PRIM2: variants seen among roughly 807,000 people sequenced by gnomAD.
The protein encoded by PRIM2 is DNA primase large subunit.
PRIM2 carries 39 observed loss-of-function variants against 67.3 expected under a neutral mutation model. That is an observed-to-expected ratio of 0.58 (90% confidence interval 0.45 to 0.76). The LOEUF (loss-of-function observed/expected upper bound fraction) is 0.76. Ranked by LOEUF, PRIM2 falls within the 30% of genes least tolerant of loss-of-function variation. PRIM2 has a pLI of 0.00. For missense variants in PRIM2, 398 were observed against 598.7 expected (o/e 0.66, Z 3.50); for synonymous variants, 143 against 198.7 (o/e 0.72, Z 2.36).
At chr6:57,599,364 A>G (rs1776422069) in intron 10 of PRIM2, among the ~76,000 whole-genome samples, 1 of 151,292 alleles carries the variant, frequency 6.6e-6, no homozygotes, top group Non-Finnish European at 1.5e-5. Context: ...ATAACAAGAT[A>G]TTTAAAAATA....
chr6:57,242,220 A>G, the PRIM2 span, among the ~76,000 whole-genome samples: 1 of 152,198 alleles, frequency 6.6e-6, no homozygotes. Flanking sequence ...TTCTTCCAGT[A>G]TCTTTAAATA....
At chr6:57,419,827 G>GACT (rs1477499964) in intron 7 of PRIM2, among the ~76,000 whole-genome samples, 1 of 152,076 alleles carries the variant, frequency 6.6e-6, no homozygotes, top group East Asian at 1.9e-4. Flanking sequence ...CACCAATATA[G>GACT]AAGACAGCAC....
intron 7 of PRIM2, among the ~76,000 whole-genome samples, chr6:57,387,662 C>T (rs573247940): frequency 4.6e-5 from 7 of 151,956 alleles, no homozygotes; most frequent in East Asian, 3.9e-4. Flanking sequence ...TTTGGAGCTA[C>T]GGTAGAATAG....
At chr6:57,382,796 CTTTTT>C in intron 7 of PRIM2, 1 of 152,104 alleles carries the variant, frequency 6.6e-6, no homozygotes, top group Middle Eastern at 3.2e-3. Flanking sequence ...GTTTTTAATA[CTTTTT>C]TTGTACCTAA....
chr6:57,336,502 G>C (rs1768253162), intron 5 of PRIM2, among the ~76,000 whole-genome samples: 1 of 152,248 alleles, frequency 6.6e-6, no homozygotes, highest in African/African-American at 2.4e-5. Flanking sequence ...CAGACTAACA[G>C]TGGATCTCTC....
chr6:57,226,533 C>A, the PRIM2 span, among the ~76,000 whole-genome samples: 3 of 152,108 alleles, frequency 2.0e-5, no homozygotes, highest in Non-Finnish European at 4.4e-5. Flanking sequence ...GAAGCAGGGG[C>A]CAGATCATGA....
At chr6:57,526,115 G>T (rs1281501490) in intron 8 of PRIM2, among the ~76,000 whole-genome samples, 2 of 152,120 alleles carry the variant, frequency 1.3e-5, no homozygotes, top group East Asian at 1.9e-4. Flanking sequence ...CGGTAGTGAA[G>T]GTGTTTATTT....
At chr6:57,571,569 C>A (rs1775862792) in intron 10 of PRIM2, among the ~76,000 whole-genome samples, 2 of 152,134 alleles carry the variant, frequency 1.3e-5, no homozygotes, top group Admixed American at 1.3e-4. Context: ...AGAATTGCTT[C>A]CACCTGGGAG....
chr6:57,318,668 AAGGTAATTC>A, intron 2 of PRIM2, 69 bp downstream of exon 2: 1 of 1,260,632 alleles, frequency 7.9e-7, no homozygotes, highest in Non-Finnish European at 1.1e-6. Context: ...AGAATGAATG[AAGGTAATTC>A]ATTTCCTTCA....
chr6:57,642,955 C>T (rs1777272669), intron 13 of PRIM2, among the ~76,000 whole-genome samples: 1 of 152,196 alleles, frequency 6.6e-6, no homozygotes, highest in Admixed American at 6.5e-5. Context: ...CCCTCTCCTT[C>T]TGTGACTTTC....
In PRIM2 at chr6:57,579,633, A is replaced by G. The variant is rs1282744527; in HGVS notation, c.1021-21460A>G. 2.7e-3 allele frequency among the ~76,000 whole-genome samples: 409 copies of G among 152,286 alleles called. 4 individuals are homozygous for G. Among genetic ancestry groups the G allele is most frequent in the Middle Eastern group, 0.02 (6 of 294 alleles). On this transcript the variant is annotated intron_variant, in intron 10 of 13. Transcript: ENST00000615550. ...CAGTGTAAGTAGAAGTGTGCTAAAGATCTTGTTTTTTTTGTAAAGGTTGAT... is the reference window on the plus strand; with the variant it reads ...CAGTGTAAGTAGAAGTGTGCTAAAGGTCTTGTTTTTTTTGTAAAGGTTGAT...
intron 12 of PRIM2, among the ~76,000 whole-genome samples, chr6:57,617,605 G>T (rs1776778135): frequency 2.0e-5 from 3 of 152,150 alleles, no homozygotes; most frequent in African/African-American, 7.2e-5. Context: ...GAATTGGGTT[G>T]TCTTTTTGTT....
At chr6:57,554,833 TA>T (rs1293184279) in intron 10 of PRIM2, among the ~76,000 whole-genome samples, 1 of 152,266 alleles carries the variant, frequency 6.6e-6, no homozygotes, top group African/African-American at 2.4e-5. Flanking sequence ...ACTTTTCATT[TA>T]AAAAGTATAA....
At chr6:57,481,130 T>C (rs1377250674) in intron 7 of PRIM2, among the ~76,000 whole-genome samples, 2 of 152,248 alleles carry the variant, frequency 1.3e-5, no homozygotes, top group African/African-American at 4.8e-5. Context: ...AAGTTTACAC[T>C]GGTACAATAT....
At chr6:57,253,983 G>A in the PRIM2 span, among the ~76,000 whole-genome samples, 3 of 152,190 alleles carry the variant, frequency 2.0e-5, no homozygotes, top group African/African-American at 7.2e-5. Flanking sequence ...TGGGTAGGTG[G>A]TGAGCTGTTG....
At chr6:57,588,394 G>C (rs1776231939) in intron 10 of PRIM2, among the ~76,000 whole-genome samples, 1 of 149,450 alleles carries the variant, frequency 6.7e-6, no homozygotes, top group Admixed American at 6.7e-5. Context: ...GTGTTGTCCT[G>C]GTATCGATGA....
chr6:57,240,739 C>A, the PRIM2 span, among the ~76,000 whole-genome samples: 1,688 of 152,184 alleles, frequency 0.011, 35 homozygotes, highest in African/African-American at 0.039. Context: ...TAAAGACTTA[C>A]ATTTCTAGAA....
chr6:57,488,070 A>G (rs1229819548), intron 7 of PRIM2, among the ~76,000 whole-genome samples: 2 of 152,214 alleles, frequency 1.3e-5, no homozygotes, highest in Non-Finnish European at 2.9e-5. Flanking sequence ...ATAGCTAGTA[A>G]GGGCTAGCAT....
intron 9 of PRIM2, among the ~76,000 whole-genome samples, chr6:57,534,182 T>G: frequency 6.6e-6 from 1 of 152,328 alleles, no homozygotes; most frequent in Non-Finnish European, 1.5e-5. Context: ...AGTTCATATA[T>G]AGGTATGCGG....
Sources: allele counts gnomAD v4.1 joint callset (sites outside exome capture counted in the v4.1 genomes callset), GRCh38; gene constraint gnomAD v4.1.1; transcripts MANE v1.5; gene names NCBI Gene and HGNC (gene_info 2026-07-23, HGNC 2026-07-21).